SHISA9: variants seen among roughly 807,000 people sequenced by gnomAD.
SHISA9 encodes shisa family member 9.
A neutral mutation model predicts 38.0 loss-of-function variants in SHISA9; 13 were observed. That is an observed-to-expected ratio of 0.34 (90% CI 0.22 to 0.54). The LOEUF is 0.54. Ranked by LOEUF, SHISA9 falls within the 20% of genes least tolerant of loss-of-function variation. The probability of loss-of-function intolerance (pLI) is 0.91; values close to 1 mark genes in which losing one functional copy is unlikely to be tolerated. For synonymous variants in SHISA9, 275 were observed against 242.0 expected, an observed-to-expected ratio of 1.14 and a Z score of -1.27; for missense variants, 538 against 575.8, an observed-to-expected ratio of 0.93 and a Z score of 0.67.
At chr16:13,559,873 C>A in the SHISA9 span, among the ~76,000 whole-genome samples, 5 of 152,318 alleles carry the variant, frequency 3.3e-5, no homozygotes, top group South Asian at 8.3e-4. Flanking sequence ...AGGCAGACTG[C>A]ACCTTCAGCT....
the SHISA9 span, among the ~76,000 whole-genome samples, chr16:13,557,560 G>A: frequency 6.6e-6 from 1 of 152,276 alleles, no homozygotes; most frequent in Non-Finnish European, 1.5e-5. Flanking sequence ...ACAACTCCAG[G>A]CACTGTTTCC....
Position 13,226,444 on chromosome 16 carries a change from T to C in SHISA9, c.896-8586T>C, listed in dbSNP as rs538235395. 6.6e-5 allele frequency among the ~76,000 whole-genome samples: 10 copies of C among 152,358 alleles called. 1 individual carries two copies. Among genetic ancestry groups the C allele is most frequent in the South Asian group, 4.1e-4 (2 of 4,828 alleles). On this transcript the variant is annotated intron_variant, in intron 4 of 4. Transcript: ENST00000558583. ...GGCATGAATGATATAATCTTGCCTA[T>C]AGGACATTAGATGGCCTGAGGATCC...
chr16:13,439,357 G>A, the SHISA9 span, among the ~76,000 whole-genome samples: 26 of 152,138 alleles, frequency 1.7e-4, no homozygotes, highest in African/African-American at 6.3e-4. Context: ...TAGATCTTAA[G>A]TATTCTCACC....
the SHISA9 span, among the ~76,000 whole-genome samples, chr16:13,337,823 G>T: frequency 6.6e-6 from 1 of 152,064 alleles, no homozygotes; most frequent in Admixed American, 6.6e-5. Context: ...TCAAAAGTGT[G>T]TAGCACTTCC....
intron 2 of SHISA9, among the ~76,000 whole-genome samples, chr16:12,918,521 C>T (rs9939615): frequency 0.26 from 39,140 of 152,000 alleles, 5,450 homozygotes; most frequent in Non-Finnish European, 0.31. Context: ...ATCAGGTGGG[C>T]GGGAAACCTT....
chr16:13,050,106 G>A (rs1031394917), intron 2 of SHISA9, among the ~76,000 whole-genome samples: 5 of 152,018 alleles, frequency 3.3e-5, no homozygotes, highest in East Asian at 3.9e-4. Flanking sequence ...GACATGGAGC[G>A]ATGTCTAGGA....
chr16:13,319,712 C>T, the SHISA9 span, among the ~76,000 whole-genome samples: 1 of 151,678 alleles, frequency 6.6e-6, no homozygotes, highest in Non-Finnish European at 1.5e-5. Flanking sequence ...TGCAGAGGAG[C>T]CCTGGGAATG....
At chr16:13,286,977 T>C in the SHISA9 span, among the ~76,000 whole-genome samples, 1 of 152,170 alleles carries the variant, frequency 6.6e-6, no homozygotes, top group Non-Finnish European at 1.5e-5. Flanking sequence ...TATGATTGTG[T>C]ATTTTTGTTA....
At chr16:13,523,031 G>A in the SHISA9 span, among the ~76,000 whole-genome samples, 3 of 152,084 alleles carry the variant, frequency 2.0e-5, no homozygotes, top group African/African-American at 4.8e-5. Context: ...AGCATTAAGG[G>A]GATAGACTTG....
At chr16:13,407,932 A>C in the SHISA9 span, among the ~76,000 whole-genome samples, 50 of 152,358 alleles carry the variant, frequency 3.3e-4, no homozygotes, top group South Asian at 1.0e-3. Flanking sequence ...CCATGTAGAG[A>C]TCTAGATGTC....
intron 2 of SHISA9, among the ~76,000 whole-genome samples, chr16:13,097,379 C>T (rs757038957): frequency 1.7e-4 from 26 of 151,808 alleles, no homozygotes; most frequent in East Asian, 9.7e-4. Context: ...TGAGCCATCA[C>T]GCGGTGGAAT....
At chr16:13,472,671 C>T in the SHISA9 span, among the ~76,000 whole-genome samples, 1 of 151,812 alleles carries the variant, frequency 6.6e-6, no homozygotes, top group African/African-American at 2.4e-5. Context: ...GGATTACAGG[C>T]GTGAGCCACA....
At chr16:13,106,714 G>T (rs2141962237) in intron 2 of SHISA9, among the ~76,000 whole-genome samples, 1 of 152,206 alleles carries the variant, frequency 6.6e-6, no homozygotes. Context: ...GCCAATCTGT[G>T]CCTTCTCTGG....
rs533228997 is a variant in SHISA9, at chr16:13,069,104, AC to A, written c.692-134289del. 2.1e-3 allele frequency among the ~76,000 whole-genome samples: 326 copies of A among 152,102 alleles called. 3 individuals carry two copies. Among genetic ancestry groups the A allele is most frequent in the African/African-American group, 7.5e-3 (311 of 41,454 alleles). On this transcript the variant is annotated intron_variant, in intron 2 of 4. Coordinates refer to ENST00000558583, the MANE Select transcript of SHISA9 (RefSeq NM_001145204.3). ...ACATGCAATGTGTATGTGTGTGTAT[AC>A]ATGTGTACATGCAATGTGTATATGC...
chr16:12,987,828 C>T (rs768476332), intron 2 of SHISA9, among the ~76,000 whole-genome samples: 39 of 152,212 alleles, frequency 2.6e-4, no homozygotes, highest in Non-Finnish European at 4.9e-4. Context: ...CGATGCTAAA[C>T]ATTTTGTGTA....
At chr16:13,297,787 G>T in the SHISA9 span, among the ~76,000 whole-genome samples, 5 of 151,902 alleles carry the variant, frequency 3.3e-5, no homozygotes, top group African/African-American at 1.2e-4. Flanking sequence ...GCAGAGTTTT[G>T]CTCTTGTTGC....
chr16:13,124,937 C>T (rs961550543), intron 2 of SHISA9, among the ~76,000 whole-genome samples: 3 of 151,524 alleles, frequency 2.0e-5, no homozygotes, highest in Non-Finnish European at 4.4e-5. Context: ...TGAAATGAAT[C>T]CCTCTCTCTC....
At chr16:13,245,180 G>A (rs910320020), downstream of SHISA9, among the ~76,000 whole-genome samples, 1 of 152,156 alleles carries the variant, frequency 6.6e-6, no homozygotes, top group African/African-American at 2.4e-5. Context: ...GCCTCCCAAA[G>A]TGCTGGGATT....
chr16:13,380,240 T>C, the SHISA9 span, among the ~76,000 whole-genome samples: 2 of 152,134 alleles, frequency 1.3e-5, no homozygotes, highest in East Asian at 1.9e-4. Context: ...TTGAAAAATA[T>C]TATTTTTCGT....
Sources: allele counts gnomAD v4.1 joint callset (sites outside exome capture counted in the v4.1 genomes callset), GRCh38; gene constraint gnomAD v4.1.1; transcripts MANE v1.5; gene names NCBI Gene and HGNC (gene_info 2026-07-23, HGNC 2026-07-21).